FOXP4: variants seen among roughly 807,000 people sequenced by gnomAD.
FOXP4 encodes forkhead box P4, also known as forkhead box protein P4.
Under a neutral mutation model 82.6 loss-of-function variants are expected in FOXP4, and 25 were observed. The observed-to-expected ratio is 0.30, with a 90% CI of 0.22 to 0.42. The LOEUF (loss-of-function observed/expected upper bound fraction) is 0.42. FOXP4 is among the 10% of genes least tolerant of loss of function. The pLI, the probability that FOXP4 is intolerant of heterozygous loss-of-function variation, is 1.00. For missense variants in FOXP4, 785 were observed against 900.9 expected (o/e 0.87, Z 1.65); for synonymous variants, 415 against 388.2 (o/e 1.07, Z -0.81).
chr6:41,576,046 G>T (rs144650583), intron 2 of FOXP4, among the ~76,000 whole-genome samples: 2 of 143,554 alleles, frequency 1.4e-5, no homozygotes, highest in Non-Finnish European at 3.1e-5. Context: ...TTCCTCACCC[G>T]CAACCCCCCC....
chr6:41,601,897 G>A lies in FOXP4; in HGVS notation c.*2961G>A, dbSNP rs1767225567. The A allele has an allele frequency of 6.6e-6, 1 of 152,214 alleles. No homozygotes were observed. The highest frequency in any genetic ancestry group is 2.4e-5 in the African/African-American group (1 of 41,434). 9.4% of individuals were successfully genotyped at this position (152,214 alleles called of 1,614,324 possible). ...TTTGGGGAGCAGGGGAGGGGAGGGT[G>A]TTGAGAAAGCTGAACTGGAGTCAAT... On this transcript the variant is annotated 3_prime_UTR_variant, in exon 17 of 17. Transcript: ENST00000307972.
At chr6:41,566,774 A>G (rs1764904399) in intron 2 of FOXP4, among the ~76,000 whole-genome samples, 1 of 152,136 alleles carries the variant, frequency 6.6e-6, no homozygotes, top group African/African-American at 2.4e-5. Context: ...CTGCTCCTGG[A>G]ATCACTGCTG....
At chr6:41,576,054 C>T (rs1294817815) in intron 2 of FOXP4, among the ~76,000 whole-genome samples, 1 of 151,114 alleles carries the variant, frequency 6.6e-6, no homozygotes, top group Admixed American at 6.6e-5. Context: ...CCGCAACCCC[C>T]CCCCCCACCC....
chr6:41,558,185 ACT>A lies in FOXP4; in HGVS notation c.-16-7556_-16-7555del, dbSNP rs2127326576. 6.6e-6 allele frequency among the ~76,000 whole-genome samples: 1 copy of A among 152,108 alleles called. No homozygotes were observed. The highest frequency in any genetic ancestry group is 6.5e-5 in the Admixed American group (1 of 15,276). On this transcript the variant is annotated intron_variant, in intron 1 of 16. Transcript: ENST00000307972. This position sits in a 1 kb window ranked among gnomAD's most constrained non-coding sequence, Gnocchi z 4.0. The stretch of plus-strand genomic sequence containing the variant: ...AGGGGCTTGGAGAGGGATTAAGCCT[ACT>A]CTCGAACTCACAGAGCCCCATGTGT...
At position 41,587,488 on chromosome 6, in the gene FOXP4, C is replaced by T. The variant is rs942191751; in HGVS notation, c.848C>T (p.Thr283Ile). 3.3e-6 allele frequency: 5 copies of T among 1,529,282 alleles called. No homozygotes were observed. The highest frequency in any genetic ancestry group is 2.1e-5 in the Admixed American group (1 of 47,260). 94.7% of individuals were successfully genotyped at this position (1,529,282 alleles called of 1,614,324 possible). The change falls in exon 7 of 17, where the codon ACT (threonine) becomes ATT (isoleucine). Residue 283 changes from threonine to isoleucine, a missense_variant. By Grantham distance (89) the Thr-to-Ile change is moderately conservative. Coordinates refer to ENST00000307972, the MANE Select transcript of FOXP4 (RefSeq NM_001012426.2). Reference protein sequence around the residue: ...SHHTLPNGQPTVLTSRRDSSS... With the variant: ...SHHTLPNGQPIVLTSRRDSSS... The stretch of plus-strand genomic sequence containing the variant: ...CATACCCTGCCCAACGGACAGCCTA[C>T]TGTGCTCACATCTCGGAGAGACAGG...
At chr6:41,589,919 C>T (rs768990904) in intron 10 of FOXP4, 44 bp from the exon 11 acceptor site, 4 of 1,610,864 alleles carry the variant, frequency 2.5e-6, no homozygotes, top group Admixed American at 1.7e-5. Flanking sequence ...CTCGGGACCC[C>T]CACCCTCGGG....
At position 41,546,405 on chromosome 6, in the gene FOXP4, G is replaced by A. The variant is rs1763614103; in HGVS notation, c.-479G>A. On this transcript the variant is annotated 5_prime_UTR_variant, in exon 1 of 17. Transcript: ENST00000307972. ...CACTCGCAGCCCAGGCTCAGTCGCA[G>A]CCCCTCGGAGTCCGGAGCCCGCCGT... The A allele has an allele frequency of 6.6e-6, 1 of 151,254 alleles. No individual in the cohort carries two copies. 9.4% of individuals were successfully genotyped at this position (151,254 alleles called of 1,614,324 possible).
intron 1 of FOXP4, among the ~76,000 whole-genome samples, chr6:41,552,193 G>A (rs1308393229): frequency 6.6e-6 from 1 of 152,190 alleles, no homozygotes; most frequent in Non-Finnish European, 1.5e-5. Context: ...CAGGCCTAAA[G>A]AAGTTGCTTC....
chr6:41,598,696 CTG>C, intron 16 of FOXP4, 91 bp from the exon 17 acceptor site: 1 of 1,517,948 alleles, frequency 6.6e-7, no homozygotes, highest in Non-Finnish European at 8.9e-7. Flanking sequence ...GGGCACCCCA[CTG>C]TGCCCCAGAG....
At chr6:41,597,721 TG>T (rs1461898298) in intron 15 of FOXP4, 59 bp from the exon 16 acceptor site, 13 of 1,563,972 alleles carry the variant, frequency 8.3e-6, no homozygotes, top group Admixed American at 1.8e-5. Flanking sequence ...GCACAGCACT[TG>T]ACTGAGTGTG....
At chr6:41,567,217 A>C (rs1405772670) in intron 2 of FOXP4, among the ~76,000 whole-genome samples, 2 of 152,216 alleles carry the variant, frequency 1.3e-5, no homozygotes, top group Non-Finnish European at 2.9e-5. Context: ...CTTGGCACCT[A>C]AAGTACAGAG....
intron 2 of FOXP4, among the ~76,000 whole-genome samples, chr6:41,566,980 T>C (rs1764918931): frequency 6.6e-6 from 1 of 152,182 alleles, no homozygotes; most frequent in Non-Finnish European, 1.5e-5. Context: ...CTGCACTCCT[T>C]CTCCCACAGC....
chr6:41,575,298 A>T (rs1765415920), intron 2 of FOXP4, among the ~76,000 whole-genome samples: 1 of 152,214 alleles, frequency 6.6e-6, no homozygotes, highest in South Asian at 2.1e-4. Context: ...CTATCATCAC[A>T]GAACCTGAGC....
intron 5 of FOXP4, among the ~76,000 whole-genome samples, chr6:41,586,218 G>C (rs1193056012): frequency 6.6e-6 from 1 of 152,144 alleles, no homozygotes; most frequent in African/African-American, 2.4e-5. Flanking sequence ...GTTATCAGCA[G>C]GTAAATCTCT....
At chr6:41,585,894 C>T (rs887648322) in intron 5 of FOXP4, among the ~76,000 whole-genome samples, 4 of 152,012 alleles carry the variant, frequency 2.6e-5, no homozygotes, top group South Asian at 2.1e-4. Context: ...CCTTGTCCTG[C>T]GAATCTCTGA....
At chr6:41,587,948 C>A in intron 8 of FOXP4, 51 bp downstream of exon 8, 1 of 983,508 alleles carries the variant, frequency 1.0e-6, no homozygotes. Flanking sequence ...CACAGGGCCT[C>A]TCCCCCAACC....
chr6:41,570,570 AG>A (rs1184735274), intron 2 of FOXP4, among the ~76,000 whole-genome samples: 1 of 152,054 alleles, frequency 6.6e-6, no homozygotes, highest in African/African-American at 2.4e-5. Context: ...GGCCTGGAGG[AG>A]GGATCTGCAG....
At chr6:41,547,214 C>A (rs916291702) in intron 1 of FOXP4, among the ~76,000 whole-genome samples, 4 of 151,934 alleles carry the variant, frequency 2.6e-5, no homozygotes, top group African/African-American at 9.7e-5. Flanking sequence ...GCCGGAGAGG[C>A]CACCGAGGCC....
chr6:41,574,427 T>G (rs889013392), intron 2 of FOXP4, among the ~76,000 whole-genome samples: 1 of 152,216 alleles, frequency 6.6e-6, no homozygotes, highest in Non-Finnish European at 1.5e-5. Flanking sequence ...TTCAATTAAA[T>G]GTTTGAAAAA....
Sources: gnomAD v4.1 joint callset for allele counts (sites outside exome capture counted in the v4.1 genomes callset) on GRCh38, gnomAD v4.1.1 for gene constraint, Gnocchi (gnomAD v3.1) non-coding constraint, MANE v1.5 for transcripts, NCBI Gene and HGNC (gene_info 2026-07-23, HGNC 2026-07-21) for gene names.